CTIF: variants seen among roughly 807,000 people sequenced by gnomAD.
The protein encoded by CTIF is cap binding complex dependent translation initiation factor, also known as CBP80/20-dependent translation initiation factor.
CTIF carries 21 observed loss-of-function variants against 66.0 expected under a neutral mutation model. The observed-to-expected ratio is 0.32, with a 90% CI of 0.23 to 0.46. The LOEUF is 0.46. Among genes scored for constraint, CTIF ranks in the 20% least tolerant of loss-of-function variants. The probability of loss-of-function intolerance (pLI) is 1.00; values close to 1 mark genes in which losing one functional copy is unlikely to be tolerated. For missense variants in CTIF, 739 were observed against 812.7 expected (o/e 0.91, Z 1.10); for synonymous variants, 345 against 326.4 (o/e 1.06, Z -0.62).
chr18:48,622,569 G>T (rs994835562), intron 2 of CTIF, among the ~76,000 whole-genome samples: 4 of 152,162 alleles, frequency 2.6e-5, no homozygotes. Flanking sequence ...TGACCGCATG[G>T]AGGGTCTTGT....
At chr18:48,658,484 G>GTA (rs757149387) in intron 3 of CTIF, among the ~76,000 whole-genome samples, 1 of 151,686 alleles carries the variant, frequency 6.6e-6, no homozygotes, top group Non-Finnish European at 1.5e-5. Context: ...TATAAGTGTG[G>GTA]TATATATATG....
At chr18:48,599,907 C>T (rs2090060035) in intron 1 of CTIF, among the ~76,000 whole-genome samples, 1 of 152,222 alleles carries the variant, frequency 6.6e-6, no homozygotes, top group South Asian at 2.1e-4. Context: ...CCTGGCCTGT[C>T]ACGGGGCTTC....
intron 7 of CTIF, among the ~76,000 whole-genome samples, chr18:48,714,898 A>G (rs1598914506): frequency 1.3e-5 from 2 of 152,384 alleles, no homozygotes; most frequent in East Asian, 1.9e-4. Context: ...TAAAGCACCT[A>G]GAAACACGGT....
intron 1 of CTIF, among the ~76,000 whole-genome samples, chr18:48,606,093 A>T (rs558904699): frequency 6.6e-6 from 1 of 152,308 alleles, no homozygotes; most frequent in East Asian, 1.9e-4. Flanking sequence ...TCTACAAGGT[A>T]GTGGATATGG....
chr18:48,764,100 C>G (rs1909273935), intron 9 of CTIF, among the ~76,000 whole-genome samples: 1 of 152,140 alleles, frequency 6.6e-6, no homozygotes, highest in Non-Finnish European at 1.5e-5. Context: ...CTGTCCCACT[C>G]TGAGCATGCA....
intron 9 of CTIF, among the ~76,000 whole-genome samples, chr18:48,767,008 CAGGCTGTACCAG>C (rs1168398179): frequency 3.5e-5 from 3 of 84,758 alleles, no homozygotes; most frequent in African/African-American, 1.0e-4. Context: ...CCCACGGTGC[CAGGCTGTACCAG>C]AGGCTGGGCC....
intron 1 of CTIF, among the ~76,000 whole-genome samples, chr18:48,594,687 C>T (rs1174137818): frequency 1.3e-5 from 2 of 152,330 alleles, no homozygotes; most frequent in East Asian, 1.9e-4. Context: ...TCCATGCACC[C>T]ACAGCAGATA....
At position 48,860,632 on chromosome 18, in the gene CTIF, G is replaced by A. The variant is rs1278782119; in HGVS notation, c.*1073G>A. 1 of 152,406 alleles carries A rather than the reference G, an allele frequency of 6.6e-6. No individual in the cohort carries two copies. The highest frequency in any genetic ancestry group is 6.5e-5 in the Admixed American group (1 of 15,310). The allele number at this position is 152,406 out of a possible 1,614,324, so 9.4% of individuals were successfully genotyped here. A position where few individuals can be genotyped will look rare whatever the true frequency, so the allele number is the denominator to read the frequency against. The stretch of plus-strand genomic sequence containing the variant: ...AATTAAAACCAAAATTCTAGATGGT[G>A]TCTTGCGCTCCACACGCAGGTCTTA... On this transcript the variant is annotated 3_prime_UTR_variant, in exon 12 of 12. Coordinates refer to ENST00000256413, the MANE Select transcript of CTIF (RefSeq NM_014772.3).
intron 2 of CTIF, among the ~76,000 whole-genome samples, chr18:48,634,311 T>G (rs1463727001): frequency 1.3e-5 from 2 of 152,202 alleles, no homozygotes; most frequent in African/African-American, 4.8e-5. Flanking sequence ...TTGGCTAAAG[T>G]GGCATCTGAT....
At chr18:48,609,926 C>A (rs1046653615) in intron 1 of CTIF, among the ~76,000 whole-genome samples, 2 of 152,124 alleles carry the variant, frequency 1.3e-5, no homozygotes, top group Non-Finnish European at 2.9e-5. Context: ...CAAGTCAACT[C>A]CCAGCATCCA....
At chr18:48,724,932 C>G (rs2092373156) in intron 7 of CTIF, among the ~76,000 whole-genome samples, 1 of 152,228 alleles carries the variant, frequency 6.6e-6, no homozygotes, top group Non-Finnish European at 1.5e-5. Context: ...CTTTCAGCTT[C>G]AAGGGGAGGA....
chr18:48,613,633 G>A (rs764268009), intron 1 of CTIF, among the ~76,000 whole-genome samples: 1 of 152,344 alleles, frequency 6.6e-6, no homozygotes, highest in Admixed American at 6.5e-5. Context: ...GCTGCAGCAG[G>A]AGGTGGGGAG....
At chr18:48,741,062 A>G (rs2092548677) in intron 7 of CTIF, among the ~76,000 whole-genome samples, 1 of 152,240 alleles carries the variant, frequency 6.6e-6, no homozygotes, top group Non-Finnish European at 1.5e-5. Context: ...TGATGATTGA[A>G]TAAGCACATT....
chr18:48,667,251 T>C (rs1251176167), intron 5 of CTIF, among the ~76,000 whole-genome samples: 1 of 152,096 alleles, frequency 6.6e-6, no homozygotes, highest in East Asian at 1.9e-4. Context: ...GACTAGACTA[T>C]GCAGTGTAGA....
intron 1 of CTIF, among the ~76,000 whole-genome samples, chr18:48,560,504 C>T (rs1347638971): frequency 2.0e-5 from 3 of 150,864 alleles, no homozygotes; most frequent in Non-Finnish European, 3.0e-5. Flanking sequence ...GGATTACAGG[C>T]GTGAGCCACC....
chr18:48,578,020 T>C (rs934185512), intron 1 of CTIF, among the ~76,000 whole-genome samples: 2 of 152,274 alleles, frequency 1.3e-5, no homozygotes, highest in African/African-American at 4.8e-5. Context: ...ACTTATGTGC[T>C]TTCTCTATAG....
chr18:48,586,419 T>C (rs1305681321), intron 1 of CTIF, among the ~76,000 whole-genome samples: 1 of 152,044 alleles, frequency 6.6e-6, no homozygotes. Context: ...TACAGGCGTA[T>C]GCCACCATGC....
chr18:48,593,391 T>G (rs2144012145), intron 1 of CTIF, among the ~76,000 whole-genome samples: 1 of 151,906 alleles, frequency 6.6e-6, no homozygotes, highest in East Asian at 1.9e-4. Context: ...TTTTTCTTTT[T>G]TTTTTTTGAG....
At chr18:48,842,816 C>A (rs183317734) in intron 10 of CTIF, among the ~76,000 whole-genome samples, 1 of 152,234 alleles carries the variant, frequency 6.6e-6, no homozygotes, top group Non-Finnish European at 1.5e-5. Context: ...GCAGCTAGCT[C>A]CCTCCACGGA....
Sources: gnomAD v4.1 joint callset for allele counts (sites outside exome capture counted in the v4.1 genomes callset) on GRCh38, gnomAD v4.1.1 for gene constraint, MANE v1.5 for transcripts, NCBI Gene and HGNC (gene_info 2026-07-23, HGNC 2026-07-21) for gene names.